Variants in PIK3CB observed in about 807,000 individuals in gnomAD.
PIK3CB encodes the protein phosphatidylinositol 4,5-bisphosphate 3-kinase catalytic subunit beta isoform.
In PIK3CB, 39 loss-of-function variants were observed where a neutral mutation model predicts 136.8. That is an observed-to-expected ratio of 0.29 (90% CI 0.22 to 0.37). The LOEUF is 0.37. PIK3CB is among the 10% of genes least tolerant of loss of function. PIK3CB has a pLI of 1.00. For synonymous variants in PIK3CB, 428 were observed against 436.6 expected, an observed-to-expected ratio of 0.98 and a Z score of 0.25; for missense variants, 868 against 1,275.4, an observed-to-expected ratio of 0.68 and a Z score of 4.87.
chr3:138,738,000 T>C (rs2045150496), intron 5 of PIK3CB, 114 bp from the exon 6 acceptor site: 2 of 529,714 alleles, frequency 3.8e-6, no homozygotes, highest in Non-Finnish European at 6.2e-6. Context: ...TTTATATGGG[T>C]ACATCCTTAA....
At chr3:138,737,394 C>CAAAAAA (rs11344311) in intron 6 of PIK3CB, among the ~76,000 whole-genome samples, 11 of 39,068 alleles carry the variant, frequency 2.8e-4, no homozygotes, top group Admixed American at 1.1e-3. Flanking sequence ...CACTCTGTCT[C>CAAAAAA]AAAAAAAAAA....
rs767088133 is a variant in PIK3CB at position 138,737,812 on chromosome 3, C to T, written c.696G>A (p.Leu232=). ...CTTCATCTTCCTTCCCATGAATAGT[C>T]AAACGTTTTTGGATTGCCAATTCAT... The part of the protein sequence containing the change: ...KVNELAIQKR[L]TIHGKEDEVS... Residue 232 remains leucine (L), a synonymous_variant, in exon 6 of 24, where the codon TTG becomes TTA. Transcript: ENST00000674063. The T allele has an allele frequency of 6.2e-7, 1 of 1,609,152 alleles. No individual in the cohort carries two copies. Among genetic ancestry groups the T allele is most frequent in the East Asian group, 2.2e-5 (1 of 44,538 alleles).
At chr3:138,766,485 T>C (rs1576401109) in intron 2 of PIK3CB, among the ~76,000 whole-genome samples, 2 of 152,354 alleles carry the variant, frequency 1.3e-5, no homozygotes, top group Non-Finnish European at 1.5e-5. Context: ...TCTTGTGCCA[T>C]CTTTAGGTGC....
At chr3:138,804,222 G>GA (rs1225246760) in intron 1 of PIK3CB, among the ~76,000 whole-genome samples, 2 of 151,968 alleles carry the variant, frequency 1.3e-5, no homozygotes, top group African/African-American at 4.8e-5. Context: ...GAATATTTCA[G>GA]AAAAAAACAG....
intron 3 of PIK3CB, among the ~76,000 whole-genome samples, chr3:138,757,134 A>G (rs1023520319): frequency 3.3e-5 from 5 of 152,146 alleles, no homozygotes; most frequent in Admixed American, 1.3e-4. Flanking sequence ...GGCTGGGTGC[A>G]GTGGCTCACA....
intron 13 of PIK3CB, among the ~76,000 whole-genome samples, chr3:138,697,704 A>ATCCCAT (rs1232797843): frequency 3.6e-4 from 54 of 151,932 alleles, no homozygotes; most frequent in Non-Finnish European, 5.4e-4. Context: ...AGCCTCCCAA[A>ATCCCAT]GTGCTGGGAT....
chr3:138,826,937 T>C (rs1427377478), intron 1 of PIK3CB, among the ~76,000 whole-genome samples: 2 of 151,994 alleles, frequency 1.3e-5, no homozygotes, highest in Admixed American at 1.3e-4. Flanking sequence ...GGCGTGGTTG[T>C]GGGCACCTGT....
At chr3:138,814,749 C>A (rs1933222299) in intron 1 of PIK3CB, among the ~76,000 whole-genome samples, 1 of 152,116 alleles carries the variant, frequency 6.6e-6, no homozygotes, top group Non-Finnish European at 1.5e-5. Context: ...CACCTGTAAT[C>A]CCAGCATTTT....
At chr3:138,789,333 C>T (rs1313376376) in intron 2 of PIK3CB, among the ~76,000 whole-genome samples, 1 of 152,050 alleles carries the variant, frequency 6.6e-6, no homozygotes, top group East Asian at 1.9e-4. Context: ...GTGGTGGGCA[C>T]CTGTAGTCCC....
chr3:138,808,020 T>A (rs1340513378), intron 1 of PIK3CB, among the ~76,000 whole-genome samples: 1 of 152,284 alleles, frequency 6.6e-6, no homozygotes, highest in East Asian at 1.9e-4. Context: ...CACCACATGT[T>A]GCCTTTAGTG....
chr3:138,676,208 T>C (rs2043639618), intron 19 of PIK3CB, among the ~76,000 whole-genome samples: 1 of 152,016 alleles, frequency 6.6e-6, no homozygotes, highest in Non-Finnish European at 1.5e-5. Context: ...AACAAGCACA[T>C]GAAAAGCTGC....
rs2043993531 is a variant in PIK3CB, at chr3:138,690,887, T to C, written c.2036+113A>G. On this transcript the variant is annotated intron_variant, in intron 15 of 23. Transcript: ENST00000674063. ...AGAAGGCACCAAAACCATATAAATG[T>C]TATAAACGGTTCAGAAAAAAACTAA... 3.9e-6 allele frequency: 3 copies of C among 778,712 alleles called. No individual in the cohort carries two copies. The Admixed American group carries it at 7.4e-5, about 19-fold the overall frequency. The allele number at this position is 778,712 out of a possible 1,614,324, so 48.2% of individuals were successfully genotyped here. A position where few individuals can be genotyped will look rare whatever the true frequency, so the allele number is the denominator to read the frequency against.
chr3:138,756,263 A>G (rs1316891081), intron 3 of PIK3CB, among the ~76,000 whole-genome samples: 1 of 152,202 alleles, frequency 6.6e-6, no homozygotes, highest in South Asian at 2.1e-4. Context: ...GAGAGTATAT[A>G]TGGTATTATC....
chr3:138,732,333 A>C (rs1408792598), intron 8 of PIK3CB, among the ~76,000 whole-genome samples: 1 of 152,144 alleles, frequency 6.6e-6, no homozygotes, highest in Non-Finnish European at 1.5e-5. Context: ...CTTTTTTCAC[A>C]GCCTCACCCA....
At chr3:138,665,449 G>C (rs2043387893) in intron 19 of PIK3CB, among the ~76,000 whole-genome samples, 1 of 152,144 alleles carries the variant, frequency 6.6e-6, no homozygotes, top group Non-Finnish European at 1.5e-5. Context: ...TAATTATTCT[G>C]GTGAAACATT....
chr3:138,814,737 C>T (rs905138400), intron 1 of PIK3CB, among the ~76,000 whole-genome samples: 17 of 152,256 alleles, frequency 1.1e-4, no homozygotes, highest in Middle Eastern at 3.4e-3. Flanking sequence ...AGGCATGGCT[C>T]ACACCTGTAA....
rs1283929093 is a variant in PIK3CB, at chr3:138,663,302, G to A, written c.2796+604C>T. On this transcript the variant is annotated intron_variant, in intron 21 of 23. Coordinates refer to ENST00000674063, the MANE Select transcript of PIK3CB (RefSeq NM_006219.3). ...ATTTAATACATCCAGTACATTATCC[G>A]CTCCTTCTGTTAGGTACAAATGTAT... is the stretch of plus-strand genomic sequence containing the variant. 2.0e-5 allele frequency among the ~76,000 whole-genome samples: 3 copies of A among 152,144 alleles called. No homozygotes were observed. In the South Asian group the frequency reaches 6.2e-4, roughly 32 times the overall value.
At chr3:138,713,766 C>A (rs1371061605) in intron 9 of PIK3CB, among the ~76,000 whole-genome samples, 5 of 152,080 alleles carry the variant, frequency 3.3e-5, no homozygotes, top group African/African-American at 1.2e-4. Flanking sequence ...CTATCCCCAC[C>A]AAAAAGCTTT....
intron 1 of PIK3CB, among the ~76,000 whole-genome samples, chr3:138,811,365 A>C (rs1933044879): frequency 6.6e-6 from 1 of 151,732 alleles, no homozygotes; most frequent in African/African-American, 2.4e-5. Context: ...ACTATATATT[A>C]GGTAACAATA....
Sources: gnomAD v4.1 joint callset for allele counts (sites outside exome capture counted in the v4.1 genomes callset) on GRCh38, gnomAD v4.1.1 for gene constraint, MANE v1.5 for transcripts, NCBI Gene and HGNC (gene_info 2026-07-23, HGNC 2026-07-21) for gene names.